FGD1: variants seen among roughly 807,000 people sequenced by gnomAD.
The protein encoded by FGD1 is FYVE, RhoGEF and PH domain containing 1, also known as FYVE, RhoGEF and PH domain-containing protein 1.
In FGD1, 12 loss-of-function variants were observed where a neutral mutation model predicts 65.0. The ratio of observed to expected loss-of-function variants is 0.18; its 90% CI spans 0.12 to 0.30. The LOEUF (loss-of-function observed/expected upper bound fraction) is 0.30, where lower values mean the gene tolerates loss of function less well. FGD1 is among the 10% of genes least tolerant of loss of function. FGD1 has a pLI of 1.00. For synonymous variants in FGD1, 333 were observed against 343.9 expected (o/e 0.97, Z 0.35); for missense variants, 542 against 837.6 (o/e 0.65, Z 4.36).
chrX:54,474,486 T>TGCCCCAG (rs764640420), intron 1 of FGD1, among the ~76,000 whole-genome samples: 258 of 112,494 alleles, frequency 2.3e-3, no homozygotes, highest in African/African-American at 6.0e-3. Context: ...GGGAACAGGG[T>TGCCCCAG]GCCCCAGGCC....
At chrX:54,469,416 T>C (rs997601950) in intron 4 of FGD1, among the ~76,000 whole-genome samples, 3 of 112,503 alleles carry the variant, frequency 2.7e-5, no homozygotes, top group Admixed American at 1.9e-4. Context: ...GATTAAATGG[T>C]ATATAAATGT....
intron 8 of FGD1, among the ~76,000 whole-genome samples, chrX:54,461,496 G>A (rs1922630276): frequency 9.6e-6 from 1 of 104,423 alleles, no homozygotes; most frequent in Non-Finnish European, 1.9e-5. Context: ...AGCTACTTGG[G>A]AGGCTGAGGC....
At chrX:54,466,755 G>GTT (rs59381335) in intron 6 of FGD1, among the ~76,000 whole-genome samples, 40 of 89,553 alleles carry the variant, frequency 4.5e-4, no homozygotes, top group East Asian at 2.0e-3. Context: ...TTGTTTGTTT[G>GTT]TTTTTTTTTT....
chrX:54,456,465 A>G (rs1416846943), intron 9 of FGD1, 44 bp downstream of exon 9: 1 of 1,205,980 alleles, frequency 8.3e-7, no homozygotes. Context: ...GAGACACCAC[A>G]GGTGGGTGGC....
intron 10 of FGD1, 115 bp downstream of exon 10, chrX:54,456,105 T>A: frequency 1.1e-6 from 1 of 886,504 alleles, no homozygotes; most frequent in South Asian, 2.3e-5. Flanking sequence ...GTTTTTCTTT[T>A]TTTTCCTCTT....
intron 1 of FGD1, among the ~76,000 whole-genome samples, chrX:54,487,500 A>G (rs1181631857): frequency 1.8e-5 from 2 of 112,793 alleles, no homozygotes; most frequent in African/African-American, 6.4e-5. Context: ...GGAAGACTCA[A>G]TATTGTTCAA....
rs761963741 is a variant in FGD1 at position 54,468,802 on chromosome X, G to C, written c.1176C>G (p.Leu392=). 3 of 1,205,445 alleles carry C rather than the reference G, an allele frequency of 2.5e-6. No individual in the cohort carries two copies. Among genetic ancestry groups the C allele is most frequent in the South Asian group, 1.8e-5 (1 of 56,176 alleles). Residue 392 remains leucine (L), a synonymous_variant, in exon 5 of 18, where the codon CTC becomes CTG. Coordinates refer to ENST00000375135, the MANE Select transcript of FGD1 (RefSeq NM_004463.3). ...LQTEKAYVSR[L]HLLDQVFCAR... ...GGCCACTCACCTGATCCAGGAGATG[G>C]AGCCTGGAAACGTAGGCCTTCTCAG...
In FGD1 at chrX:54,496,112, C is replaced by G. The variant is rs1923538653; in HGVS notation, c.-680G>C. On this transcript the variant is annotated 5_prime_UTR_variant, in exon 1 of 18. Coordinates refer to ENST00000375135, the MANE Select transcript of FGD1 (RefSeq NM_004463.3). The stretch of plus-strand genomic sequence containing the variant: ...GAGAACGGCCTGGGCCGGGCTCCAC[C>G]GTCCTCCCCAGCTTCAGCCTGGGTC... The G allele has an allele frequency of 1.8e-5, 2 of 108,247 alleles. No individual in the cohort carries two copies. The highest frequency in any genetic ancestry group is 3.3e-5 in the African/African-American group (1 of 29,870). 8.9% of individuals were successfully genotyped at this position (108,247 alleles called of 1,213,427 possible).
At chrX:54,459,251 A>G (rs1442772173) in intron 8 of FGD1, among the ~76,000 whole-genome samples, 3 of 111,810 alleles carry the variant, frequency 2.7e-5, no homozygotes, top group Non-Finnish European at 3.8e-5. Flanking sequence ...TGTGGAGTAC[A>G]GACTGGCATT....
chrX:54,456,145 G>A, intron 10 of FGD1, 75 bp downstream of exon 10: 1 of 1,105,509 alleles, frequency 9.0e-7, no homozygotes. Flanking sequence ...TAGTCTTTGA[G>A]TGAGTACCAG....
At chrX:54,471,645 T>G (rs939061782) in intron 1 of FGD1, among the ~76,000 whole-genome samples, 158 bp from the exon 2 acceptor site, 1 of 111,797 alleles carries the variant, frequency 8.9e-6, no homozygotes, top group Non-Finnish European at 1.9e-5. Flanking sequence ...GCCCCTATCC[T>G]AGCCCTCAGA....
In FGD1 at chrX:54,445,514, A is replaced by G. The variant is rs1465114421; in HGVS notation, c.*595T>C. On this transcript the variant is annotated 3_prime_UTR_variant, in exon 18 of 18. Transcript: ENST00000375135. Reference sequence around the variant, plus strand: ...AAAAAAAAAAAACACACAAAAAAACACAAAAAACTGAGTATCCATTGTCCT... The same window carrying G: ...AAAAAAAAAAAACACACAAAAAAACGCAAAAAACTGAGTATCCATTGTCCT... The G allele has an allele frequency of 9.1e-6, 1 of 109,389 alleles. No homozygotes were observed. Among genetic ancestry groups the G allele is most frequent in the African/African-American group, 3.4e-5 (1 of 29,634 alleles). 9.0% of individuals were successfully genotyped at this position (109,389 alleles called of 1,213,427 possible). A position where few individuals can be genotyped will look rare whatever the true frequency, so the allele number is the denominator to read the frequency against.
chrX:54,495,445 G>T lies in FGD1; in HGVS notation c.-13C>A. 2.1e-6 allele frequency: 2 copies of T among 974,829 alleles called. No individual in the cohort carries two copies. Among genetic ancestry groups the T allele is most frequent in the South Asian group, 4.2e-5 (1 of 24,065 alleles). 80.3% of individuals were successfully genotyped at this position (974,829 alleles called of 1,213,427 possible). A position where few individuals can be genotyped will look rare whatever the true frequency, so the allele number is the denominator to read the frequency against. ...GGTGGCCATGCATGGTCCGGGCCTG[G>T]GCGCGGGGCCCGAGCTCCCCGCTTG... On this transcript the variant is annotated 5_prime_UTR_variant, in exon 1 of 18. Coordinates refer to ENST00000375135, the MANE Select transcript of FGD1 (RefSeq NM_004463.3).
Position 54,495,537 on chromosome X carries a change from G to A in FGD1, c.-105C>T. 1.8e-6 allele frequency: 1 copy of A among 549,982 alleles called. No homozygotes were observed. Among genetic ancestry groups the A allele is most frequent in the Admixed American group, 6.4e-5 (1 of 15,550 alleles). The allele number at this position is 549,982 out of a possible 1,213,427, so 45.3% of individuals were successfully genotyped here. On this transcript the variant is annotated 5_prime_UTR_variant, in exon 1 of 18. Transcript: ENST00000375135. ...GCGCCCGGCGGAGCAGCGGCCTCAG[G>A]ATCGGGGGGCGGGACTGCGGGCTCA...
At chrX:54,488,269 CAAAAAAAAAAAA>C (rs57920117) in intron 1 of FGD1, among the ~76,000 whole-genome samples, 6 of 5,463 alleles carry the variant, frequency 1.1e-3, no homozygotes, top group Admixed American at 4.2e-3. Flanking sequence ...GACTCAGTCT[CAAAAAAAAAAAA>C]AAAAAAAAAA....
intron 1 of FGD1, among the ~76,000 whole-genome samples, chrX:54,483,491 G>A (rs1190637924): frequency 8.9e-6 from 1 of 112,669 alleles, no homozygotes; most frequent in African/African-American, 3.2e-5. Flanking sequence ...CGCCTTTCCC[G>A]CTTTCCACAG....
At chrX:54,490,067 C>T (rs767703418) in intron 1 of FGD1, among the ~76,000 whole-genome samples, 3 of 112,090 alleles carry the variant, frequency 2.7e-5, no homozygotes, top group Non-Finnish European at 5.6e-5. Flanking sequence ...TTATCCTTAG[C>T]AAACTAAGGC....
At chrX:54,481,837 G>A (rs981369725) in intron 1 of FGD1, among the ~76,000 whole-genome samples, 1 of 109,482 alleles carries the variant, frequency 9.1e-6, no homozygotes, top group African/African-American at 3.3e-5. Flanking sequence ...AATGTCATGG[G>A]TTTGCAAGAA....
intron 1 of FGD1, among the ~76,000 whole-genome samples, chrX:54,491,921 G>T (rs954325125): frequency 1.8e-5 from 2 of 109,119 alleles, no homozygotes; most frequent in African/African-American, 6.7e-5. Context: ...AACTGGCTCA[G>T]TTTCCCCCAT....
Sources: allele counts gnomAD v4.1 joint callset (sites outside exome capture counted in the v4.1 genomes callset), GRCh38; gene constraint gnomAD v4.1.1; transcripts MANE v1.5; gene names NCBI Gene and HGNC (gene_info 2026-07-23, HGNC 2026-07-21).